MOB1B: variants seen among roughly 807,000 people sequenced by gnomAD.
The protein encoded by MOB1B is MOB1 Mps One Binder homolog B.
In MOB1B, 19 loss-of-function variants were observed where a neutral mutation model predicts 24.4. The observed-to-expected ratio is 0.78, with a 90% CI of 0.54 to 1.14. MOB1B has a LOEUF of 1.14. Ranked by LOEUF, MOB1B falls within the 50% of genes most tolerant of loss-of-function variation. The pLI is 0.00. For missense variants in MOB1B, 243 were observed against 259.6 expected (o/e 0.94, Z 0.44); for synonymous variants, 76 against 82.1 (o/e 0.93, Z 0.40).
intron 1 of MOB1B, among the ~76,000 whole-genome samples, chr4:70,906,643 C>A (rs920164520): frequency 2.6e-5 from 4 of 152,100 alleles, no homozygotes; most frequent in Non-Finnish European, 4.4e-5. Context: ...AGGAATGATA[C>A]CTTTGTGTAG....
At chr4:70,957,595 A>C (rs1291442029) in intron 1 of MOB1B, among the ~76,000 whole-genome samples, 3 of 151,652 alleles carry the variant, frequency 2.0e-5, no homozygotes, top group Admixed American at 6.6e-5. Flanking sequence ...GCACCATCAC[A>C]CCTGGCTTAA....
intron 1 of MOB1B, among the ~76,000 whole-genome samples, chr4:70,935,274 A>G (rs1737035812): frequency 6.6e-6 from 1 of 152,214 alleles, no homozygotes; most frequent in African/African-American, 2.4e-5. Context: ...AAAACTTCAG[A>G]TAAGAAAGGG....
chr4:70,967,424 G>C (rs915100190), intron 2 of MOB1B, among the ~76,000 whole-genome samples: 1 of 151,824 alleles, frequency 6.6e-6, no homozygotes, highest in East Asian at 1.9e-4. Flanking sequence ...GTGAGCCACC[G>C]CACCCAGCCA....
intron 2 of MOB1B, among the ~76,000 whole-genome samples, chr4:70,965,990 C>A (rs181420694): frequency 6.6e-6 from 1 of 151,964 alleles, no homozygotes; most frequent in African/African-American, 2.4e-5. Context: ...TATTTAAAAA[C>A]CTTGCCACAG....
At chr4:70,981,445 G>T (rs1381410225) in intron 5 of MOB1B, among the ~76,000 whole-genome samples, 2 of 152,158 alleles carry the variant, frequency 1.3e-5, no homozygotes, top group Non-Finnish European at 2.9e-5. Flanking sequence ...TTTCTCATTT[G>T]TTCTTCACAG....
chr4:70,921,375 G>T (rs2148873277), intron 1 of MOB1B, among the ~76,000 whole-genome samples: 1 of 152,014 alleles, frequency 6.6e-6, no homozygotes, highest in Middle Eastern at 3.4e-3. Context: ...GCATGTGTGT[G>T]AAATTTGGCT....
At chr4:70,972,931 A>G (rs968078356) in intron 3 of MOB1B, among the ~76,000 whole-genome samples, 2 of 151,788 alleles carry the variant, frequency 1.3e-5, no homozygotes, top group Non-Finnish European at 2.9e-5. Context: ...CTGCCACCAC[A>G]CCCGGCTAAT....
At chr4:70,922,460 C>T (rs1194297813) in intron 1 of MOB1B, among the ~76,000 whole-genome samples, 1 of 151,986 alleles carries the variant, frequency 6.6e-6, no homozygotes, top group Admixed American at 6.6e-5. Flanking sequence ...GGGGAGGGGG[C>T]TTGGGGGCTT....
At chr4:70,972,616 A>AG (rs1439380052) in intron 3 of MOB1B, among the ~76,000 whole-genome samples, 1 of 152,220 alleles carries the variant, frequency 6.6e-6, no homozygotes, top group African/African-American at 2.4e-5. Flanking sequence ...CAAAGAGAAT[A>AG]GTCTGTCAAA....
In MOB1B at chr4:70,922,692, T is replaced by G. The variant is rs145789603; in HGVS notation, c.14+20142T>G. On this transcript the variant is annotated intron_variant, in intron 1 of 5. Coordinates refer to ENST00000309395, the MANE Select transcript of MOB1B (RefSeq NM_173468.4). Reference sequence around the variant, plus strand: ...ATTCTGAAGGCATTTCTATTTTTATTCCACCTATAATTTTGAAGCTAATTT... The same window carrying G: ...ATTCTGAAGGCATTTCTATTTTTATGCCACCTATAATTTTGAAGCTAATTT... 1.8e-3 allele frequency among the ~76,000 whole-genome samples: 267 copies of G among 152,348 alleles called. 1 individual carries two copies. Among genetic ancestry groups the G allele is most frequent in the Middle Eastern group, 6.8e-3 (2 of 294 alleles).
chr4:70,952,639 T>A, intron 1 of MOB1B, among the ~76,000 whole-genome samples: 1 of 114,764 alleles, frequency 8.7e-6, no homozygotes. Flanking sequence ...CGAGACGCCG[T>A]CTCAAAAAAA....
intron 1 of MOB1B, among the ~76,000 whole-genome samples, chr4:70,921,888 C>T (rs1429650496): frequency 6.6e-6 from 1 of 152,114 alleles, no homozygotes; most frequent in Non-Finnish European, 1.5e-5. Context: ...AGCCTTATGT[C>T]TTCAATTCTC....
chr4:70,928,825 T>C lies in MOB1B; in HGVS notation c.14+26275T>C, dbSNP rs1449564506. Among the ~76,000 whole-genome samples, 3 of 152,312 alleles carry C rather than the reference T, an allele frequency of 2.0e-5. No individual in the cohort carries two copies. The East Asian group carries it at 5.8e-4, about 29-fold the overall frequency. Reference sequence around the variant, plus strand: ...CTTGTCTTGAACTCCTAGGTTCAAGTGATCCTCCCACCTTGGCCTCCCAAA... The same window carrying C: ...CTTGTCTTGAACTCCTAGGTTCAAGCGATCCTCCCACCTTGGCCTCCCAAA... On this transcript the variant is annotated intron_variant, in intron 1 of 5. Transcript: ENST00000309395.
intron 1 of MOB1B, among the ~76,000 whole-genome samples, chr4:70,957,766 T>C (rs1420043241): frequency 2.2e-4 from 33 of 151,160 alleles, no homozygotes; most frequent in Admixed American, 2.1e-3. Context: ...TTTTTTTTTT[T>C]TTTTTCAAGA....
intron 2 of MOB1B, among the ~76,000 whole-genome samples, chr4:70,966,729 C>G (rs1266150318): frequency 1.3e-5 from 2 of 151,820 alleles, no homozygotes; most frequent in East Asian, 1.9e-4. Flanking sequence ...TGTTGCATGC[C>G]TATAGTCCTA....
intron 1 of MOB1B, among the ~76,000 whole-genome samples, chr4:70,912,727 A>T (rs1736042211): frequency 6.6e-6 from 1 of 152,198 alleles, no homozygotes; most frequent in African/African-American, 2.4e-5. Flanking sequence ...CCAGTCATGA[A>T]TCATGTATTG....
chr4:70,949,876 C>T (rs923560421), intron 1 of MOB1B, among the ~76,000 whole-genome samples: 10 of 151,856 alleles, frequency 6.6e-5, no homozygotes, highest in Non-Finnish European at 1.5e-4. Flanking sequence ...TGTCACTGCA[C>T]TCCAGCCTAG....
At chr4:70,947,809 A>G (rs1364623052) in intron 1 of MOB1B, among the ~76,000 whole-genome samples, 2 of 151,976 alleles carry the variant, frequency 1.3e-5, no homozygotes, top group Non-Finnish European at 2.9e-5. Flanking sequence ...GGGTTTCAAC[A>G]TATTGCCCAG....
chr4:70,971,673 A>C (rs1178513545), intron 3 of MOB1B, among the ~76,000 whole-genome samples: 3 of 152,160 alleles, frequency 2.0e-5, no homozygotes, highest in African/African-American at 7.2e-5. Flanking sequence ...TGCCAGTATT[A>C]CTGGTGTTCA....
Sources: gnomAD v4.1 joint callset for allele counts (sites outside exome capture counted in the v4.1 genomes callset) on GRCh38, gnomAD v4.1.1 for gene constraint, MANE v1.5 for transcripts, NCBI Gene and HGNC (gene_info 2026-07-23, HGNC 2026-07-21) for gene names.